TEX15: variants seen among roughly 807,000 people sequenced by gnomAD.
TEX15 encodes the protein testis expressed 15, meiosis and synapsis associated.
Under a neutral mutation model 237.3 loss-of-function variants are expected in TEX15, and 171 were observed. The observed-to-expected ratio is 0.72, with a 90% CI of 0.64 to 0.82. TEX15 has a LOEUF of 0.82. TEX15 is among the 40% of genes least tolerant of loss of function. The pLI is 0.00. For synonymous variants in TEX15, 1,338 were observed against 1,269.8 expected, an observed-to-expected ratio of 1.05 and a Z score of -1.14; for missense variants, 3,750 against 3,646.5, an observed-to-expected ratio of 1.03 and a Z score of -0.73.
At chr8:30,862,696 T>G (rs1188073590) in intron 5 of TEX15, among the ~76,000 whole-genome samples, 1 of 152,214 alleles carries the variant, frequency 6.6e-6, no homozygotes, top group African/African-American at 2.4e-5. Context: ...GCTGTTTTCA[T>G]GCAAATCAGG....
intron 1 of TEX15, among the ~76,000 whole-genome samples, chr8:30,906,681 A>C (rs1809109233): frequency 6.6e-6 from 1 of 152,140 alleles, no homozygotes; most frequent in African/African-American, 2.4e-5. Flanking sequence ...GTAATACCTT[A>C]GGAAAAACTA....
At position 30,846,723 on chromosome 8, in the gene TEX15, G is replaced by A. The variant is rs1286216548; in HGVS notation, c.3444C>T (p.Thr1148=). The change falls in exon 8 of 11, where the codon ACC becomes ACT. Residue 1148 remains threonine (T), a synonymous_variant. Coordinates refer to ENST00000643185, the MANE Select transcript of TEX15 (RefSeq NM_001350162.2). The part of the protein sequence containing the change: ...SSTQNNETEL[T]SPILLPDLQI... The stretch of plus-strand genomic sequence containing the variant: ...GTAGATCTGGAAGTAAAATTGGGCT[G>A]GTAAGTTCTGTTTCATTGTTTTGTG... 6 of 1,613,348 alleles carry A rather than the reference G, an allele frequency of 3.7e-6. No homozygotes were observed. The highest frequency in any genetic ancestry group is 1.7e-5 in the Admixed American group (1 of 59,928).
intron 3 of TEX15, among the ~76,000 whole-genome samples, chr8:30,880,867 T>A (rs1808505082): frequency 6.6e-6 from 1 of 152,194 alleles, no homozygotes; most frequent in Non-Finnish European, 1.5e-5. Context: ...ATTGTTTTTT[T>A]ATGTTTTCAT....
intron 9 of TEX15, among the ~76,000 whole-genome samples, chr8:30,838,898 C>T (rs1396444382): frequency 3.4e-5 from 5 of 148,812 alleles, no homozygotes; most frequent in South Asian, 2.1e-4. Context: ...TCACTGCAAC[C>T]TCCGCCTCCC....
intron 7 of TEX15, among the ~76,000 whole-genome samples, chr8:30,856,748 A>G (rs560764050): frequency 6.6e-6 from 1 of 152,304 alleles, no homozygotes; most frequent in South Asian, 2.1e-4. Context: ...GACATGTAAG[A>G]TATTATAGAG....
At position 30,848,653 on chromosome 8, in the gene TEX15, T is replaced by C. The variant is rs1324419456; in HGVS notation, c.1514A>G (p.Asp505Gly). The change falls in exon 8 of 11, where the codon GAT becomes GGT. Residue 505 changes from aspartate to glycine, a missense_variant. By Grantham distance (94) the Asp-to-Gly change is moderately conservative. Coordinates refer to ENST00000643185, the MANE Select transcript of TEX15 (RefSeq NM_001350162.2). The part of the protein sequence containing the change: ...DTPCFKTSVN[D>G]SQSWAHNMGS... Reference sequence around the variant, plus strand: ...CATGTTGTGAGCCCAAGATTGTGAATCATTAACAGAAGTTTTAAAGCAAGG... The same window carrying C: ...CATGTTGTGAGCCCAAGATTGTGAACCATTAACAGAAGTTTTAAAGCAAGG... 2 of 1,614,190 alleles carry C rather than the reference T, an allele frequency of 1.2e-6. No homozygotes were observed. The highest frequency in any genetic ancestry group is 2.2e-5 in the East Asian group (1 of 44,886).
intron 4 of TEX15, among the ~76,000 whole-genome samples, chr8:30,870,693 C>T (rs1468842357): frequency 3.9e-5 from 6 of 152,020 alleles, no homozygotes; most frequent in Non-Finnish European, 5.9e-5. Context: ...AAAACGCTGA[C>T]AGCTAAGAGA....
chr8:30,905,537 G>A (rs940475816), intron 1 of TEX15, among the ~76,000 whole-genome samples: 22 of 152,044 alleles, frequency 1.4e-4, no homozygotes, highest in Middle Eastern at 3.4e-3. Context: ...ATTTTTAAGA[G>A]AAAATTATTT....
chr8:30,876,522 T>G (rs1469588175), intron 3 of TEX15, among the ~76,000 whole-genome samples: 1 of 152,204 alleles, frequency 6.6e-6, no homozygotes, highest in African/African-American at 2.4e-5. Flanking sequence ...TTCCCAGAGT[T>G]TCATCAGGCA....
At chr8:30,912,223 G>A (rs1159125943) in intron 1 of TEX15, among the ~76,000 whole-genome samples, 2 of 152,188 alleles carry the variant, frequency 1.3e-5, no homozygotes, top group Non-Finnish European at 2.9e-5. Flanking sequence ...GCTCTGCAGG[G>A]GAGAATGAGG....
intron 1 of TEX15, among the ~76,000 whole-genome samples, chr8:30,904,042 T>TAAAAA (rs879919262): frequency 0.022 from 3,298 of 152,292 alleles, 111 homozygotes; most frequent in African/African-American, 0.075. Flanking sequence ...TTATGAGGCT[T>TAAAAA]TTTAAAAGAC....
At position 30,906,594 on chromosome 8, in the gene TEX15, G is replaced by GA. The variant is rs34052778; in HGVS notation, c.-86+6284dup. Among the ~76,000 whole-genome samples, 336 of 96,180 alleles carry GA rather than the reference G, an allele frequency of 3.5e-3. 1 individual carries two copies. Among genetic ancestry groups the GA allele is most frequent in the Middle Eastern group, 6.7e-3 (1 of 150 alleles). The allele number at this position is 96,180 out of a possible 152,430, so 63.1% of individuals were successfully genotyped here. ...GACAGAGCAAGACTCCATCTCAAAA[G>GA]AAAAAAAAAAAAAAAAAGAGAGAGA... On this transcript the variant is annotated intron_variant, in intron 1 of 10. Transcript: ENST00000643185.
At chr8:30,873,069 C>T (rs1188237134) in intron 4 of TEX15, among the ~76,000 whole-genome samples, 3 of 152,044 alleles carry the variant, frequency 2.0e-5, no homozygotes, top group African/African-American at 4.8e-5. Context: ...TACACAATGA[C>T]GAAATTGCCC....
At chr8:30,907,358 T>G (rs1035486786) in intron 1 of TEX15, among the ~76,000 whole-genome samples, 6 of 151,828 alleles carry the variant, frequency 4.0e-5, no homozygotes, top group Admixed American at 1.3e-4. Context: ...CTTGAACTCC[T>G]GGGCTCAAGC....
At position 30,837,385 on chromosome 8, in the gene TEX15, T is replaced by C; in HGVS notation, c.8899A>G (p.Lys2967Glu). Residue 2967 changes from lysine to glutamate, a missense_variant, in exon 10 of 11, where the codon AAG (lysine) becomes GAG (glutamate). Transcript: ENST00000643185. ...TETESEDKYM[K>E]DTLNPNTVHT... ...ACAGTATTGGGATTCAATGTATCCT[T>C]CATGTATTTGTCCTCTGACTCAGTT... is the stretch of plus-strand genomic sequence containing the variant. The C allele has an allele frequency of 6.2e-7, 1 of 1,614,126 alleles. No individual in the cohort carries two copies. Among genetic ancestry groups the C allele is most frequent in the African/African-American group, 1.3e-5 (1 of 75,058 alleles).
intron 1 of TEX15, among the ~76,000 whole-genome samples, chr8:30,909,519 T>C (rs962676769): frequency 6.6e-6 from 1 of 151,284 alleles, no homozygotes; most frequent in African/African-American, 2.4e-5. Context: ...GCTACCAGAC[T>C]TCGGGGACTA....
intron 1 of TEX15, among the ~76,000 whole-genome samples, chr8:30,911,083 TGTGAACTCAACGACATTTTAATTAAA>T (rs1349588568): frequency 6.6e-6 from 1 of 152,206 alleles, no homozygotes; most frequent in African/African-American, 2.4e-5. Flanking sequence ...ATTTTCTCAA[TGTGAACTCAACGACATTTTAATTAAA>T]GCTTGTACCA....
At position 30,844,016 on chromosome 8, in the gene TEX15, G is replaced by A; in HGVS notation, c.6151C>T (p.Leu2051=). 1 of 1,611,980 alleles carries A rather than the reference G, an allele frequency of 6.2e-7. No individual in the cohort carries two copies. Among genetic ancestry groups the A allele is most frequent in the Non-Finnish European group, 8.5e-7 (1 of 1,179,146 alleles). ...SVEQILISRE[L]LVDQNLWNNC... is the part of the protein sequence containing the mutation. The stretch of plus-strand genomic sequence containing the variant: ...TTCCACAGGTTTTGGTCTACCAACA[G>A]TTCTCTTGAAATCAGGATTTGTTCA... Residue 2051 remains leucine, a synonymous_variant, in exon 8 of 11, where the codon CTG becomes TTG. Transcript: ENST00000643185.
chr8:30,865,975 C>CA (rs1217234526), intron 5 of TEX15, among the ~76,000 whole-genome samples: 1 of 151,896 alleles, frequency 6.6e-6, no homozygotes, highest in Non-Finnish European at 1.5e-5. Flanking sequence ...TGAAGTGCAT[C>CA]AAAATGGGAA....
Sources: allele counts gnomAD v4.1 joint callset (sites outside exome capture counted in the v4.1 genomes callset), GRCh38; gene constraint gnomAD v4.1.1; transcripts MANE v1.5; gene names NCBI Gene and HGNC (gene_info 2026-07-23, HGNC 2026-07-21).